CLSTN2: variants seen among roughly 807,000 people sequenced by gnomAD.
CLSTN2 encodes calsyntenin-2.
CLSTN2 carries 48 observed loss-of-function variants against 101.2 expected under a neutral mutation model. The observed-to-expected ratio is 0.47, with a 90% confidence interval of 0.38 to 0.60. CLSTN2 has a LOEUF of 0.60. Among genes scored for constraint, CLSTN2 ranks in the 20% least tolerant of loss-of-function variants. The probability of loss-of-function intolerance (pLI) is 0.00; values close to 1 mark genes in which losing one functional copy is unlikely to be tolerated. For missense variants in CLSTN2, 1,160 were observed against 1,238.2 expected (o/e 0.94, Z 0.95); for synonymous variants, 481 against 463.6 (o/e 1.04, Z -0.48).
chr3:140,374,242 G>T (rs868770221), intron 2 of CLSTN2, among the ~76,000 whole-genome samples: 1 of 152,206 alleles, frequency 6.6e-6, no homozygotes, highest in Non-Finnish European at 1.5e-5. Context: ...ACAGAAGCCA[G>T]GTTGATCAGT....
chr3:140,473,746 T>TA (rs1933907479), intron 8 of CLSTN2, among the ~76,000 whole-genome samples: 1 of 92,574 alleles, frequency 1.1e-5, no homozygotes. Flanking sequence ...TTTTTTGTGT[T>TA]TTTTTTTTGT....
chr3:140,361,080 A>G lies in CLSTN2; in HGVS notation c.233-42549A>G, dbSNP rs2087725556. 2.6e-5 allele frequency among the ~76,000 whole-genome samples: 4 copies of G among 152,344 alleles called. No homozygotes were observed. The South Asian group carries it at 8.3e-4, about 32-fold the overall frequency. On this transcript the variant is annotated intron_variant, in intron 2 of 16. Coordinates refer to ENST00000458420, the MANE Select transcript of CLSTN2 (RefSeq NM_022131.3). ...AGAAAACTACAGAACAGTGTCTCTC[A>G]TGAACATGAATTCAAATTTTCTCAG...
rs1985707106 is a variant in CLSTN2, at chr3:140,575,557, C to G, written c.*9304C>G. ...CATAAAGGGTTGTTGATGTCCTGAGCTGGACAGGGTGGGCAGGAGGTTGAA... is the reference window on the plus strand; with the variant it reads ...CATAAAGGGTTGTTGATGTCCTGAGGTGGACAGGGTGGGCAGGAGGTTGAA... On this transcript the variant is annotated 3_prime_UTR_variant, in exon 17 of 17. Coordinates refer to ENST00000458420, the MANE Select transcript of CLSTN2 (RefSeq NM_022131.3). The G allele has an allele frequency of 6.6e-6, 1 of 152,122 alleles. No individual in the cohort carries two copies. The highest frequency in any genetic ancestry group is 2.1e-4 in the South Asian group (1 of 4,814). 9.4% of individuals were successfully genotyped at this position (152,122 alleles called of 1,614,324 possible). A position where few individuals can be genotyped will look rare whatever the true frequency, so the allele number is the denominator to read the frequency against.
intron 1 of CLSTN2, among the ~76,000 whole-genome samples, chr3:140,009,533 A>G (rs997503273): frequency 6.6e-6 from 1 of 152,214 alleles, no homozygotes; most frequent in Non-Finnish European, 1.5e-5. Context: ...CAATACATGG[A>G]ATCATCCTAT....
At chr3:140,361,684 A>G (rs1240216739) in intron 2 of CLSTN2, among the ~76,000 whole-genome samples, 1 of 152,186 alleles carries the variant, frequency 6.6e-6, no homozygotes, top group Non-Finnish European at 1.5e-5. Flanking sequence ...TTTTTATATT[A>G]GAAATGAACA....
intron 1 of CLSTN2, among the ~76,000 whole-genome samples, chr3:140,037,379 T>C (rs2007674739): frequency 6.6e-6 from 1 of 152,274 alleles, no homozygotes; most frequent in Non-Finnish European, 1.5e-5. Context: ...TGAAATTAAA[T>C]TGTAACATAA....
chr3:139,954,666 T>C (rs1479513069), intron 1 of CLSTN2, among the ~76,000 whole-genome samples: 1 of 152,130 alleles, frequency 6.6e-6, no homozygotes, highest in Non-Finnish European at 1.5e-5. Flanking sequence ...ATTTTCAGTA[T>C]TTTCCCAGAG....
At chr3:140,474,991 T>G (rs1933948382) in intron 8 of CLSTN2, among the ~76,000 whole-genome samples, 1 of 128,850 alleles carries the variant, frequency 7.8e-6, no homozygotes, top group Admixed American at 7.9e-5. Context: ...AACACCCTCT[T>G]GGATTGGCTT....
intron 2 of CLSTN2, among the ~76,000 whole-genome samples, chr3:140,379,337 C>A (rs1229051812): frequency 6.6e-6 from 1 of 152,154 alleles, no homozygotes; most frequent in Non-Finnish European, 1.5e-5. Flanking sequence ...CCCTAGGAGA[C>A]TGATCCAGGG....
intron 1 of CLSTN2, among the ~76,000 whole-genome samples, chr3:139,940,112 G>A (rs1343428725): frequency 6.6e-6 from 1 of 152,182 alleles, no homozygotes; most frequent in Non-Finnish European, 1.5e-5. Context: ...TCAAAGACCA[G>A]TGCTAGAGGC....
intron 1 of CLSTN2, among the ~76,000 whole-genome samples, chr3:140,035,028 T>C (rs762719222): frequency 1.1e-4 from 16 of 152,186 alleles, no homozygotes; most frequent in Admixed American, 8.5e-4. Flanking sequence ...CTAGCAGCCT[T>C]TATAGAAATT....
At chr3:140,425,493 A>C (rs761685044) in intron 5 of CLSTN2, among the ~76,000 whole-genome samples, 24 of 152,014 alleles carry the variant, frequency 1.6e-4, no homozygotes, top group Non-Finnish European at 3.1e-4. Flanking sequence ...AGTATTATCT[A>C]CCAAGGCTAT....
intron 2 of CLSTN2, among the ~76,000 whole-genome samples, chr3:140,370,287 C>CCCA (rs147656269): frequency 0.016 from 2,390 of 152,274 alleles, 59 homozygotes; most frequent in African/African-American, 0.055. Flanking sequence ...TGCAGAATCG[C>CCCA]TGGTCCCAAG....
intron 1 of CLSTN2, among the ~76,000 whole-genome samples, chr3:139,986,820 G>A (rs2107826316): frequency 6.6e-6 from 1 of 152,310 alleles, no homozygotes; most frequent in African/African-American, 2.4e-5. Context: ...GTACCAGAGA[G>A]CTGGATTTGT....
intron 2 of CLSTN2, among the ~76,000 whole-genome samples, chr3:140,318,141 T>C (rs563660348): frequency 7.2e-5 from 11 of 152,292 alleles, no homozygotes; most frequent in African/African-American, 2.4e-4. Context: ...CCAGAGGTAA[T>C]AGTCTTAACA....
rs561980593 is a variant in CLSTN2 at position 140,122,863 on chromosome 3, A to G, written c.110-53088A>G. 2.6e-5 allele frequency among the ~76,000 whole-genome samples: 4 copies of G among 152,306 alleles called. No homozygotes were observed. In the East Asian group the frequency reaches 7.7e-4, roughly 29 times the overall value. Reference sequence around the variant, plus strand: ...CTTTACTTCTTTTATAATACTTCGTAAAGCATAGTTTTAGCTTGTGAGATA... The same window carrying G: ...CTTTACTTCTTTTATAATACTTCGTGAAGCATAGTTTTAGCTTGTGAGATA... On this transcript the variant is annotated intron_variant, in intron 1 of 16. Transcript: ENST00000458420.
At chr3:139,996,020 T>C (rs1409292271) in intron 1 of CLSTN2, among the ~76,000 whole-genome samples, 1 of 152,238 alleles carries the variant, frequency 6.6e-6, no homozygotes, top group East Asian at 1.9e-4. Context: ...TACTAGTAAC[T>C]TACATCTACC....
At chr3:140,235,710 T>G (rs1244833759) in intron 2 of CLSTN2, among the ~76,000 whole-genome samples, 1 of 152,186 alleles carries the variant, frequency 6.6e-6, no homozygotes, top group African/African-American at 2.4e-5. Flanking sequence ...AGGTAGGGGT[T>G]AAGTGGGAAG....
intron 2 of CLSTN2, among the ~76,000 whole-genome samples, chr3:140,293,187 G>A (rs1013006846): frequency 6.6e-6 from 1 of 152,186 alleles, no homozygotes; most frequent in Non-Finnish European, 1.5e-5. Context: ...ATTTGAAAGA[G>A]GTATTGAAGG....
Sources: gnomAD v4.1 joint callset for allele counts (sites outside exome capture counted in the v4.1 genomes callset) on GRCh38, gnomAD v4.1.1 for gene constraint, MANE v1.5 for transcripts, NCBI Gene and HGNC (gene_info 2026-07-23, HGNC 2026-07-21) for gene names.